The following USP32 variants were observed in gnomAD, a reference collection of about 807,000 sequenced individuals.
The protein encoded by USP32 is ubiquitin carboxyl-terminal hydrolase 32.
USP32 carries 59 observed loss-of-function variants against 204.8 expected under a neutral mutation model. That is an observed-to-expected ratio of 0.29 (90% confidence interval 0.23 to 0.36). The LOEUF is 0.36. USP32 is among the 10% of genes least tolerant of loss of function. The probability of loss-of-function intolerance (pLI) is 1.00; values close to 1 mark genes in which losing one functional copy is unlikely to be tolerated. For missense variants in USP32, 1,160 were observed against 1,946.4 expected, an observed-to-expected ratio of 0.60 and a Z score of 7.60; for synonymous variants, 517 against 678.4, an observed-to-expected ratio of 0.76 and a Z score of 3.70.
intron 2 of USP32, among the ~76,000 whole-genome samples, chr17:60,310,965 A>G (rs2087838756): frequency 6.6e-6 from 1 of 152,146 alleles, no homozygotes; most frequent in African/African-American, 2.4e-5. Context: ...CATGAAGATG[A>G]GAGTAGATTG....
intron 1 of USP32, among the ~76,000 whole-genome samples, chr17:60,406,047 C>T (rs1227950900): frequency 6.7e-6 from 1 of 150,168 alleles, no homozygotes; most frequent in Non-Finnish European, 1.5e-5. Flanking sequence ...TTCTCAGCTA[C>T]TTGGGAGGCT....
upstream of USP32, among the ~76,000 whole-genome samples, chr17:60,393,685 TTC>T (rs1483144193): frequency 6.6e-6 from 1 of 151,374 alleles, no homozygotes; most frequent in Non-Finnish European, 1.5e-5. Context: ...TTCTGTGTTT[TTC>T]TTTTTTTTTT....
chr17:60,329,777 A>C (rs927450175), intron 2 of USP32, among the ~76,000 whole-genome samples: 16 of 152,170 alleles, frequency 1.1e-4, no homozygotes, highest in African/African-American at 3.6e-4. Flanking sequence ...TGATTCCACA[A>C]ACCAGATTAC....
chr17:60,357,444 C>T (rs996699005), intron 1 of USP32, among the ~76,000 whole-genome samples: 17 of 152,036 alleles, frequency 1.1e-4, no homozygotes, highest in Admixed American at 2.0e-4. Flanking sequence ...CAGAGCAAGA[C>T]CCTGTCTCTT....
At chr17:60,248,170 G>T (rs1335643955) in intron 11 of USP32, among the ~76,000 whole-genome samples, 3 of 151,958 alleles carry the variant, frequency 2.0e-5, no homozygotes, top group East Asian at 1.9e-4. Flanking sequence ...TGCTTTTTTG[G>T]TTTTTTCCTT....
intron 16 of USP32, among the ~76,000 whole-genome samples, chr17:60,216,748 A>G (rs1567774912): frequency 6.6e-6 from 1 of 152,182 alleles, no homozygotes; most frequent in South Asian, 2.1e-4. Flanking sequence ...TGAGTATTTG[A>G]GAAAGATGAA....
chr17:60,254,648 A>G (rs2086249018), intron 10 of USP32, among the ~76,000 whole-genome samples: 1 of 152,190 alleles, frequency 6.6e-6, no homozygotes, highest in Admixed American at 6.5e-5. Context: ...GCAGTGAGCC[A>G]TGCTTGCACC....
At chr17:60,275,476 A>G (rs889569142) in intron 5 of USP32, among the ~76,000 whole-genome samples, 3 of 152,142 alleles carry the variant, frequency 2.0e-5, no homozygotes, top group African/African-American at 7.2e-5. Context: ...CAAACAAAAA[A>G]GAATTATTTG....
chr17:60,269,569 G>A lies in USP32; in HGVS notation c.704-12C>T, dbSNP rs375550445. On this transcript the variant is annotated splice_polypyrimidine_tract_variant and intron_variant, in intron 6 of 33. Transcript: ENST00000300896. ...AGCATTAAACAAACCTGTAAAATAG[G>A]AAGAGATGCCATAAATCACAGCCAA... 1.9e-6 allele frequency: 3 copies of A among 1,582,300 alleles called. No individual in the cohort carries two copies. The African/African-American group carries it at 4.1e-5, about 22-fold the overall frequency.
chr17:60,403,204 G>T (rs894574072), intron 1 of USP32, among the ~76,000 whole-genome samples: 1 of 152,104 alleles, frequency 6.6e-6, no homozygotes, highest in Non-Finnish European at 1.5e-5. Context: ...TAGAGACAGG[G>T]ACAGGGTTTC....
chr17:60,399,974 T>C (rs2089924199), intron 1 of USP32, among the ~76,000 whole-genome samples: 1 of 151,222 alleles, frequency 6.6e-6, no homozygotes, highest in Non-Finnish European at 1.5e-5. Flanking sequence ...TCTGTCATCT[T>C]TTTTTTTTGA....
chr17:60,281,384 A>C (rs780794558), intron 5 of USP32, among the ~76,000 whole-genome samples: 58 of 152,112 alleles, frequency 3.8e-4, no homozygotes, highest in Non-Finnish European at 7.9e-4. Context: ...TAAAAATACA[A>C]AAAATTAGCC....
chr17:60,406,112 A>C (rs1266664674), intron 1 of USP32, among the ~76,000 whole-genome samples: 1 of 149,860 alleles, frequency 6.7e-6, no homozygotes, highest in East Asian at 2.0e-4. Flanking sequence ...AGCCGTGATC[A>C]TACCACTGTA....
intron 11 of USP32, among the ~76,000 whole-genome samples, chr17:60,244,289 AT>A (rs1200919440): frequency 2.0e-5 from 3 of 152,096 alleles, no homozygotes; most frequent in Non-Finnish European, 4.4e-5. Flanking sequence ...AAGTGCTAGG[AT>A]TACAGGCATG....
At chr17:60,337,193 G>A (rs941840730) in intron 2 of USP32, among the ~76,000 whole-genome samples, 5 of 152,076 alleles carry the variant, frequency 3.3e-5, no homozygotes, top group Non-Finnish European at 5.9e-5. Context: ...CCAACTCAGA[G>A]GACATCTAAA....
At chr17:60,231,432 T>A (rs533123456) in intron 12 of USP32, 64 of 398,040 alleles carry the variant, frequency 1.6e-4, no homozygotes, top group Non-Finnish European at 3.1e-4. Context: ...TTTGGGCAAT[T>A]ATAAAACCTA....
chr17:60,316,172 CA>C, intron 2 of USP32: 1 of 276,394 alleles, frequency 3.6e-6, no homozygotes, highest in South Asian at 3.4e-5. Flanking sequence ...ACAATTATGC[CA>C]AAAGACATTC....
At chr17:60,199,140 C>A (rs1408092069) in intron 26 of USP32, among the ~76,000 whole-genome samples, 1 of 138,488 alleles carries the variant, frequency 7.2e-6, no homozygotes, top group Non-Finnish European at 1.5e-5. Context: ...TGAAAAGATG[C>A]CAGTGGAAAA....
At chr17:60,393,351 C>T (rs1463141034), upstream of USP32, among the ~76,000 whole-genome samples, 1 of 152,158 alleles carries the variant, frequency 6.6e-6, no homozygotes, top group African/African-American at 2.4e-5. Flanking sequence ...GGTATTTGTG[C>T]CCCCGTGTTT....
Sources: allele counts gnomAD v4.1 joint callset (sites outside exome capture counted in the v4.1 genomes callset), GRCh38; gene constraint gnomAD v4.1.1; transcripts MANE v1.5; gene names NCBI Gene and HGNC (gene_info 2026-07-23, HGNC 2026-07-21).